INSIG2: variants seen among roughly 807,000 people sequenced by gnomAD.
The protein encoded by INSIG2 is insulin induced gene 2, also known as insulin-induced gene 2 protein.
Under a neutral mutation model 27.2 loss-of-function variants are expected in INSIG2, and 10 were observed. That is an observed-to-expected ratio of 0.37 (90% CI 0.23 to 0.62). The LOEUF (loss-of-function observed/expected upper bound fraction) is 0.62. Ranked by LOEUF, INSIG2 falls within the 20% of genes least tolerant of loss-of-function variation. INSIG2 has a pLI of 0.65. For synonymous variants in INSIG2, 97 were observed against 95.8 expected, an observed-to-expected ratio of 1.01 and a Z score of -0.07; for missense variants, 178 against 270.2, an observed-to-expected ratio of 0.66 and a Z score of 2.39.
At chr2:118,089,210 A>G (rs1678166929) in intron 1 of INSIG2, among the ~76,000 whole-genome samples, 1 of 152,038 alleles carries the variant, frequency 6.6e-6, no homozygotes, top group Non-Finnish European at 1.5e-5. Context: ...GGCGCGGGCA[A>G]TGGCGCTAAC....
chr2:118,088,942 T>C (rs1678160065), intron 1 of INSIG2, among the ~76,000 whole-genome samples: 1 of 152,134 alleles, frequency 6.6e-6, no homozygotes, highest in African/African-American at 2.4e-5. Flanking sequence ...AGACTCAGAC[T>C]TGGGCGGGGA....
chr2:118,094,266 T>TGAA (rs373893419), intron 1 of INSIG2, among the ~76,000 whole-genome samples: 2 of 127,976 alleles, frequency 1.6e-5, no homozygotes, highest in Non-Finnish European at 3.4e-5. Context: ...ATGATGATGA[T>TGAA]GAAGGAGAGT....
chr2:118,091,282 G>C (rs1470460223), intron 1 of INSIG2, among the ~76,000 whole-genome samples: 1 of 152,132 alleles, frequency 6.6e-6, no homozygotes, highest in African/African-American at 2.4e-5. Flanking sequence ...CATGGTAGGG[G>C]GTGAAATGGT....
chr2:118,097,524 AT>A (rs1678440577), intron 2 of INSIG2, among the ~76,000 whole-genome samples: 1 of 152,226 alleles, frequency 6.6e-6, no homozygotes, highest in Non-Finnish European at 1.5e-5. Context: ...TTAGTATCCT[AT>A]TAGTTACTTT....
At chr2:118,108,163 G>A in intron 5 of INSIG2, 118 bp from the exon 6 acceptor site, 1 of 610,896 alleles carries the variant, frequency 1.6e-6, no homozygotes, top group Non-Finnish European at 2.9e-6. Flanking sequence ...GATTATTTGA[G>A]GAATAAATGG....
At chr2:118,103,157 A>G (rs951498590) in intron 2 of INSIG2, 40 bp from the exon 3 acceptor site, 2 of 1,596,112 alleles carry the variant, frequency 1.3e-6, no homozygotes, top group Admixed American at 3.3e-5. Context: ...TGCCAGTACA[A>G]CATTGGAGGT....
At chr2:118,095,999 T>C (rs1678396293) in intron 1 of INSIG2, among the ~76,000 whole-genome samples, 1 of 152,216 alleles carries the variant, frequency 6.6e-6, no homozygotes, top group Non-Finnish European at 1.5e-5. Flanking sequence ...AGAATATGCT[T>C]ATCTGTAAAA....
intron 1 of INSIG2, among the ~76,000 whole-genome samples, chr2:118,092,383 A>AT (rs371050351): frequency 5.1e-4 from 78 of 152,238 alleles, no homozygotes; most frequent in African/African-American, 1.8e-3. Flanking sequence ...TTTCAAGGTG[A>AT]TTTTACATTT....
rs1245206251 is a variant in INSIG2, at chr2:118,096,928, C to T, written c.244+128C>T. 12 of 1,035,076 alleles carry T rather than the reference C, an allele frequency of 1.2e-5. No homozygotes were observed. The Admixed American group carries it at 1.4e-4, about 12-fold the overall frequency. 64.1% of individuals were successfully genotyped at this position (1,035,076 alleles called of 1,614,324 possible). A position where few individuals can be genotyped will look rare whatever the true frequency, so the allele number is the denominator to read the frequency against. ...TGAGATATAATTTAGGTATAATACA[C>T]TGGACCCGTTTGAATTGAACAACTT... is the stretch of plus-strand genomic sequence containing the variant. On this transcript the variant is annotated intron_variant, in intron 2 of 5. Coordinates refer to ENST00000245787, the MANE Select transcript of INSIG2 (RefSeq NM_016133.4).
At chr2:118,102,900 C>G (rs1051576008) in intron 2 of INSIG2, among the ~76,000 whole-genome samples, 4 of 152,240 alleles carry the variant, frequency 2.6e-5, no homozygotes, top group Admixed American at 2.6e-4. Flanking sequence ...TAGCACGAAT[C>G]ATTTAGTCCA....
chr2:118,103,666 G>A (rs1412442448), intron 3 of INSIG2, among the ~76,000 whole-genome samples: 1 of 151,512 alleles, frequency 6.6e-6, no homozygotes, highest in Non-Finnish European at 1.5e-5. Flanking sequence ...CTCTTTCTTT[G>A]TTAAGAATTG....
At chr2:118,090,988 G>T (rs972053952) in intron 1 of INSIG2, among the ~76,000 whole-genome samples, 1 of 152,122 alleles carries the variant, frequency 6.6e-6, no homozygotes, top group African/African-American at 2.4e-5. Context: ...TTATACCAGA[G>T]ACTTTTTCCC....
intron 1 of INSIG2, among the ~76,000 whole-genome samples, chr2:118,092,675 G>A (rs1281271012): frequency 6.6e-6 from 1 of 152,126 alleles, no homozygotes; most frequent in Admixed American, 6.6e-5. Context: ...GAATCTCTTT[G>A]ACTTGGTAGC....
Position 118,108,284 on chromosome 2 carries a change from G to A in INSIG2, c.640G>A (p.Glu214Lys), listed in dbSNP as rs1252225280. 2 of 1,589,468 alleles carry A rather than the reference G, an allele frequency of 1.3e-6. No individual in the cohort carries two copies. Among genetic ancestry groups the A allele is most frequent in the Admixed American group, 1.8e-5 (1 of 55,554 alleles). ...TTTAACCTTTTAATTTTTGCAGTAC[G>A]AATGTAAAGTTATCGCAGAAAAATC... ...GNIGRQLAMY[E>K]CKVIAEKSHQ... The change falls in exon 6 of 6, where the codon GAA becomes AAA. Residue 214 changes from glutamate (E) to lysine (K), a missense_variant. By Grantham distance (56) the Glu-to-Lys change is moderately conservative. Coordinates refer to ENST00000245787, the MANE Select transcript of INSIG2 (RefSeq NM_016133.4).
rs781120365 is a variant in INSIG2 at position 118,096,511 on chromosome 2, C to A, written c.-46C>A. 1.9e-6 allele frequency: 3 copies of A among 1,550,186 alleles called. No homozygotes were observed. Among genetic ancestry groups the A allele is most frequent in the Non-Finnish European group, 2.6e-6 (3 of 1,153,282 alleles). ...ACAGTTGAGCTTTTCAGCTGGGAAG[C>A]CTTTCCATTTTTTTTTTTTTAACGG... On this transcript the variant is annotated 5_prime_UTR_variant, in exon 2 of 6. Coordinates refer to ENST00000245787, the MANE Select transcript of INSIG2 (RefSeq NM_016133.4).
At chr2:118,104,694 C>T (rs546141549) in intron 3 of INSIG2, among the ~76,000 whole-genome samples, 1 of 152,278 alleles carries the variant, frequency 6.6e-6, no homozygotes, top group Non-Finnish European at 1.5e-5. Flanking sequence ...GAGCTGAGAA[C>T]AGCCCTGAGA....
intron 1 of INSIG2, among the ~76,000 whole-genome samples, chr2:118,095,026 A>T (rs752620149): frequency 3.9e-5 from 6 of 152,244 alleles, no homozygotes; most frequent in Non-Finnish European, 5.9e-5. Flanking sequence ...GCTAAGCAGG[A>T]ACTTTTCTGG....
chr2:118,103,152 G>T lies in INSIG2; in HGVS notation c.245-45G>T, dbSNP rs780533687. ...GATTCTTTTAGCTTAAGTGTTGCCAGTACAACATTGGAGGTAACTTAATTT... is the reference window on the plus strand; with the variant it reads ...GATTCTTTTAGCTTAAGTGTTGCCATTACAACATTGGAGGTAACTTAATTT... On this transcript the variant is annotated intron_variant, in intron 2 of 5. Coordinates refer to ENST00000245787, the MANE Select transcript of INSIG2 (RefSeq NM_016133.4). 17 of 1,575,772 alleles carry T rather than the reference G, an allele frequency of 1.1e-5. No individual in the cohort carries two copies. The South Asian group carries it at 1.8e-4, about 17-fold the overall frequency.
rs114333409 is a variant in INSIG2 at position 118,110,668 on chromosome 2, A to G, written c.*2346A>G. The G allele has an allele frequency of 1.2e-3, 188 of 152,346 alleles. No individual in the cohort carries two copies. Among genetic ancestry groups the G allele is most frequent in the African/African-American group, 4.5e-3 (186 of 41,576 alleles). The allele number at this position is 152,346 out of a possible 1,614,324, so 9.4% of individuals were successfully genotyped here. ...GTTTTGAAATTTTGATAAATATATA[A>G]ATGTATAGAACCTATTTTTTTCAAT... On this transcript the variant is annotated 3_prime_UTR_variant, in exon 6 of 6. Coordinates refer to ENST00000245787, the MANE Select transcript of INSIG2 (RefSeq NM_016133.4).
Sources: gnomAD v4.1 joint callset for allele counts (sites outside exome capture counted in the v4.1 genomes callset) on GRCh38, gnomAD v4.1.1 for gene constraint, MANE v1.5 for transcripts, NCBI Gene and HGNC (gene_info 2026-07-23, HGNC 2026-07-21) for gene names.